Variants in PLEKHA6 observed in about 807,000 individuals in gnomAD.
PLEKHA6 encodes pleckstrin homology domain-containing family A member 6.
In PLEKHA6, 60 loss-of-function variants were observed where a neutral mutation model predicts 116.7. The ratio of observed to expected loss-of-function variants is 0.51; its 90% CI spans 0.42 to 0.64. PLEKHA6 has a LOEUF of 0.64. PLEKHA6 is among the 30% of genes least tolerant of loss of function. The probability of loss-of-function intolerance (pLI) is 0.00; values close to 1 mark genes in which losing one functional copy is unlikely to be tolerated. For synonymous variants in PLEKHA6, 489 were observed against 556.1 expected (o/e 0.88, Z 1.70); for missense variants, 1,338 against 1,422.7 (o/e 0.94, Z 0.96).
At position 204,228,307 on chromosome 1, in the gene PLEKHA6, T is replaced by A; in HGVS notation, c.2886-79A>T. 6.9e-7 allele frequency: 1 copy of A among 1,440,464 alleles called. No homozygotes were observed. The highest frequency in any genetic ancestry group is 9.4e-7 in the Non-Finnish European group (1 of 1,060,920). The allele number at this position is 1,440,464 out of a possible 1,614,324, so 89.2% of individuals were successfully genotyped here. On this transcript the variant is annotated intron_variant, in intron 20 of 22. Coordinates refer to ENST00000272203, the MANE Select transcript of PLEKHA6 (RefSeq NM_014935.5). The surrounding 1 kb of genome is among the most constrained non-coding windows in gnomAD (Gnocchi z 4.0). ...GCTTGAGGGGGCCTGCGGACTGAGG[T>A]TGGCAGGGAGGGCCAGGGCCCCGTG...
chr1:204,289,535 C>G (rs373295040), intron 1 of PLEKHA6, among the ~76,000 whole-genome samples: 4 of 152,202 alleles, frequency 2.6e-5, no homozygotes, highest in South Asian at 4.1e-4. Flanking sequence ...CCTAGCAGCC[C>G]GCGGGGTGGC....
intron 1 of PLEKHA6, chr1:204,301,337 G>A: frequency 1.0e-6 from 1 of 955,730 alleles, no homozygotes; most frequent in South Asian, 4.8e-5. Context: ...TGGCTCCTGG[G>A]AATGCATGTT....
At chr1:204,246,231 A>T (rs1374770975) in intron 13 of PLEKHA6, among the ~76,000 whole-genome samples, 7 of 152,220 alleles carry the variant, frequency 4.6e-5, no homozygotes, top group African/African-American at 1.4e-4. Context: ...ACCAGGCACT[A>T]TGCTAAGCAA....
At chr1:204,368,359 T>A (rs1388438910) in intron 2 of PLEKHA6, 2 of 152,164 alleles carry the variant, frequency 1.3e-5, no homozygotes, top group East Asian at 3.9e-4. Context: ...GTTATGGCCA[T>A]CAGGCTGTGC....
intron 1 of PLEKHA6, among the ~76,000 whole-genome samples, chr1:204,336,981 T>C (rs17334002): frequency 0.19 from 29,415 of 152,232 alleles, 3,382 homozygotes; most frequent in Non-Finnish European, 0.26. Flanking sequence ...GGACTAGCAC[T>C]GGAAAGAAAG....
intron 1 of PLEKHA6, among the ~76,000 whole-genome samples, chr1:204,374,618 A>G (rs1673833807): frequency 6.6e-6 from 1 of 151,934 alleles, no homozygotes; most frequent in Non-Finnish European, 1.5e-5. Flanking sequence ...TCCATCTTTT[A>G]TAGAACCTCC....
At chr1:204,229,714 C>T (rs922517859) in intron 18 of PLEKHA6, among the ~76,000 whole-genome samples, 20 of 152,216 alleles carry the variant, frequency 1.3e-4, no homozygotes, top group Admixed American at 1.2e-3. Flanking sequence ...CAACCACACC[C>T]GGCTAACTTC....
intron 17 of PLEKHA6, among the ~76,000 whole-genome samples, chr1:204,234,995 TATA>T (rs1661801436): frequency 4.3e-5 from 1 of 23,424 alleles, no homozygotes; most frequent in Non-Finnish European, 7.7e-5. Context: ...TATATATATA[TATA>T]TATATATATA....
chr1:204,289,215 A>T (rs563490373), intron 1 of PLEKHA6, among the ~76,000 whole-genome samples: 5 of 152,228 alleles, frequency 3.3e-5, no homozygotes, highest in African/African-American at 1.2e-4. Flanking sequence ...TTGAGCATTT[A>T]CTCCATATGA....
rs189362968 is a variant in PLEKHA6 at position 204,326,329 on chromosome 1, G to A, written c.-95+33365C>T. On this transcript the variant is annotated intron_variant, in intron 1 of 22. Transcript: ENST00000272203. Reference sequence around the variant, plus strand: ...CCTGCCTGTGCCAACACACGGTCACGTCTTAGCTCATCAAATGTTCTATCA... The same window carrying A: ...CCTGCCTGTGCCAACACACGGTCACATCTTAGCTCATCAAATGTTCTATCA... Among the ~76,000 whole-genome samples, 32 of 152,300 alleles carry A rather than the reference G, an allele frequency of 2.1e-4. No individual in the cohort carries two copies. In the East Asian group the frequency reaches 5.6e-3, roughly 27 times the overall value.
chr1:204,248,058 CG>C (rs1429540909), intron 12 of PLEKHA6, among the ~76,000 whole-genome samples: 1 of 151,710 alleles, frequency 6.6e-6, no homozygotes, highest in Non-Finnish European at 1.5e-5. Context: ...CACACTTTCA[CG>C]GGGCTTTTTC....
At chr1:204,349,860 C>T (rs1673218172) in intron 1 of PLEKHA6, among the ~76,000 whole-genome samples, 1 of 152,192 alleles carries the variant, frequency 6.6e-6, no homozygotes, top group Non-Finnish European at 1.5e-5. Context: ...AGTGACTCAT[C>T]TGTGAGTGCG....
chr1:204,278,799 G>C (rs1258718641), intron 1 of PLEKHA6, among the ~76,000 whole-genome samples: 1 of 152,126 alleles, frequency 6.6e-6, no homozygotes, highest in Non-Finnish European at 1.5e-5. Flanking sequence ...GCCCTCTCCT[G>C]ATGCCGGCTT....
chr1:204,307,391 G>A (rs979599384), intron 1 of PLEKHA6: 1 of 152,360 alleles, frequency 6.6e-6, no homozygotes, highest in Non-Finnish European at 1.5e-5. Flanking sequence ...CGACTGAGAA[G>A]GAGTGAAGCA....
At chr1:204,333,850 C>G (rs1187202794) in intron 1 of PLEKHA6, among the ~76,000 whole-genome samples, 1 of 152,208 alleles carries the variant, frequency 6.6e-6, no homozygotes, top group Non-Finnish European at 1.5e-5. Context: ...TCAGTGGCTT[C>G]AGTCCAAGGT....
intron 1 of PLEKHA6, chr1:204,307,887 T>C (rs1447053574): frequency 1.0e-6 from 1 of 985,258 alleles, no homozygotes; most frequent in East Asian, 1.1e-4. Context: ...GCACTCAGGA[T>C]CGAGGCAATA....
chr1:204,247,521 C>G (rs993104886), intron 12 of PLEKHA6, 61 bp from the exon 13 acceptor site: 1 of 1,088,110 alleles, frequency 9.2e-7, no homozygotes, highest in East Asian at 2.4e-5. Context: ...CCTCCTTATC[C>G]TGCAATGGAC....
In PLEKHA6 at chr1:204,245,021, G is replaced by A; in HGVS notation, c.2033-18C>T. ...AAGTCCTCCTTGGGGGAAACAAGGG[G>A]ATGGGTGAGCAATGGAGGAGGGGTG... On this transcript the variant is annotated intron_variant, in intron 14 of 22. Transcript: ENST00000272203. 1 of 1,405,530 alleles carries A rather than the reference G, an allele frequency of 7.1e-7. No homozygotes were observed. The highest frequency in any genetic ancestry group is 9.3e-7 in the Non-Finnish European group (1 of 1,076,348). The allele number at this position is 1,405,530 out of a possible 1,614,324, so 87.1% of individuals were successfully genotyped here. A position where few individuals can be genotyped will look rare whatever the true frequency, so the allele number is the denominator to read the frequency against.
At chr1:204,233,494 C>A (rs1661513746) in intron 17 of PLEKHA6, among the ~76,000 whole-genome samples, 1 of 152,086 alleles carries the variant, frequency 6.6e-6, no homozygotes, top group Non-Finnish European at 1.5e-5. Context: ...GGATGTGCCA[C>A]CATGCCCAGC....
Sources: allele counts gnomAD v4.1 joint callset (sites outside exome capture counted in the v4.1 genomes callset), GRCh38; gene constraint gnomAD v4.1.1; non-coding constraint Gnocchi (gnomAD v3.1); transcripts MANE v1.5; gene names NCBI Gene and HGNC (gene_info 2026-07-23, HGNC 2026-07-21).